RMC1: variants seen among roughly 807,000 people sequenced by gnomAD.
RMC1 encodes the protein regulator of MON1-CCZ1 complex.
A neutral mutation model predicts 95.5 loss-of-function variants in RMC1; 44 were observed. The observed-to-expected ratio is 0.46, with a 90% CI of 0.36 to 0.59. RMC1 has a LOEUF of 0.59. Ranked by LOEUF, RMC1 falls within the 20% of genes least tolerant of loss-of-function variation. The pLI, the probability that RMC1 is intolerant of heterozygous loss-of-function variation, is 0.00. For synonymous variants in RMC1, 320 were observed against 303.6 expected (o/e 1.05, Z -0.56); for missense variants, 705 against 819.6 (o/e 0.86, Z 1.71).
At chr18:23,526,452 C>T (rs748791260) in intron 12 of RMC1, among the ~76,000 whole-genome samples, 185 bp from the exon 13 acceptor site, 3 of 152,136 alleles carry the variant, frequency 2.0e-5, no homozygotes, top group African/African-American at 2.4e-5. Flanking sequence ...GTGGTAGACA[C>T]GCTCCTGAAT....
intron 17 of RMC1, 36 bp from the exon 18 acceptor site, chr18:23,530,189 TTATC>T (rs781545210): frequency 1.1e-4 from 176 of 1,613,866 alleles, no homozygotes; most frequent in Non-Finnish European, 1.4e-4. Flanking sequence ...ATTTTAACCG[TTATC>T]TTTCCAACTG....
chr18:23,523,124 G>A (rs544599112), intron 10 of RMC1, among the ~76,000 whole-genome samples: 8 of 152,326 alleles, frequency 5.3e-5, no homozygotes, highest in Non-Finnish European at 1.0e-4. Flanking sequence ...GGTCCAAAGC[G>A]CGAGTGCTCT....
chr18:23,530,107 A>G lies in RMC1; in HGVS notation c.1574A>G (p.His525Arg). 6.2e-7 allele frequency: 1 copy of G among 1,614,152 alleles called. No individual in the cohort carries two copies. Among genetic ancestry groups the G allele is most frequent in the South Asian group, 1.1e-5 (1 of 91,076 alleles). Residue 525 changes from histidine to arginine, a missense_variant, in exon 17 of 20, where the codon CAC becomes CGC. His to Arg is a conservative substitution (Grantham distance 29). Transcript: ENST00000269221. ...FYMLHQFLQY[H>R]VLSDSKPLAC... Reference sequence around the variant, plus strand: ...ATGCTGCATCAGTTCCTGCAGTACCACGTCCTCAGCGACTCCAAACCTTTG... The same window carrying G: ...ATGCTGCATCAGTTCCTGCAGTACCGCGTCCTCAGCGACTCCAAACCTTTG...
intron 19 of RMC1, among the ~76,000 whole-genome samples, chr18:23,531,227 G>C (rs973386461): frequency 1.3e-5 from 2 of 152,076 alleles, no homozygotes; most frequent in Non-Finnish European, 1.5e-5. Context: ...CTGACCTCAT[G>C]ATCCGCCTGC....
At chr18:23,523,707 G>A (rs1030050149) in intron 10 of RMC1, among the ~76,000 whole-genome samples, 1 of 152,084 alleles carries the variant, frequency 6.6e-6, no homozygotes, top group Non-Finnish European at 1.5e-5. Flanking sequence ...GGACAGCAGA[G>A]CAACACCCTC....
chr18:23,531,080 C>T (rs548178739), intron 19 of RMC1, among the ~76,000 whole-genome samples: 5 of 151,160 alleles, frequency 3.3e-5, no homozygotes, highest in South Asian at 2.1e-4. Flanking sequence ...CTGCAACCTC[C>T]GCTGGGTTCA....
intron 5 of RMC1, among the ~76,000 whole-genome samples, chr18:23,514,407 A>T (rs1424226325): frequency 6.6e-6 from 1 of 152,160 alleles, no homozygotes; most frequent in Non-Finnish European, 1.5e-5. Context: ...AAATACAAAA[A>T]TTAGCTGGGT....
intron 10 of RMC1, among the ~76,000 whole-genome samples, chr18:23,522,137 G>C (rs1035926725): frequency 6.6e-6 from 1 of 152,212 alleles, no homozygotes; most frequent in African/African-American, 2.4e-5. Context: ...TGTCTTGCTG[G>C]ACCAGCCAAA....
At position 23,530,432 on chromosome 18, in the gene RMC1, A is replaced by C. The variant is rs1312600290; in HGVS notation, c.1714A>C (p.Lys572Gln). ...NDEIVEVLLS[K>Q]HQVLAALRFI... The stretch of plus-strand genomic sequence containing the variant: ...TGAAATAGTAGAAGTTCTCCTTTCC[A>C]AACACCAAGTGTTAGCTGCCTTAAG... Residue 572 changes from lysine (K) to glutamine (Q), a missense_variant, in exon 19 of 20, where the codon AAA (lysine) becomes CAA (glutamine). Physicochemically the swap from Lys to Gln is moderately conservative, Grantham distance 53. Coordinates refer to ENST00000269221, the MANE Select transcript of RMC1 (RefSeq NM_013326.5). 7 of 1,614,240 alleles carry C rather than the reference A, an allele frequency of 4.3e-6. No homozygotes were observed. Among genetic ancestry groups the C allele is most frequent in the African/African-American group, 1.3e-5 (1 of 75,062 alleles).
chr18:23,515,752 C>G lies in RMC1; in HGVS notation c.409-104C>G, dbSNP rs1598866986. On this transcript the variant is annotated intron_variant, in intron 5 of 19. Coordinates refer to ENST00000269221, the MANE Select transcript of RMC1 (RefSeq NM_013326.5). ...TTTACCATTTTGTCCAGGCTGGTCT[C>G]GAACTCCTGACCTCAGGTGATCCGC... The G allele has an allele frequency of 6.6e-6, 9 of 1,372,518 alleles. No individual in the cohort carries two copies. The South Asian group carries it at 8.6e-5, about 13-fold the overall frequency. 85.0% of individuals were successfully genotyped at this position (1,372,518 alleles called of 1,614,324 possible).
chr18:23,521,056 T>C (rs930320572), intron 10 of RMC1, among the ~76,000 whole-genome samples: 2 of 152,144 alleles, frequency 1.3e-5, no homozygotes, highest in East Asian at 3.9e-4. Flanking sequence ...GGTTTCACCA[T>C]GTTGGCCAGA....
chr18:23,504,306 G>A (rs2057661656), intron 1 of RMC1, 65 bp from the exon 2 acceptor site: 3 of 1,378,886 alleles, frequency 2.2e-6, no homozygotes, highest in Non-Finnish European at 3.1e-6. Context: ...TCGCTTGCGG[G>A]TTGGCTTCTG....
chr18:23,516,306 T>G lies in RMC1; in HGVS notation c.550-14T>G. Reference sequence around the variant, plus strand: ...TTTAATAAGCTTTTCCTAAAACATTTTCCCCCTAAACAGGCTGGCACTATG... The same window carrying G: ...TTTAATAAGCTTTTCCTAAAACATTGTCCCCCTAAACAGGCTGGCACTATG... On this transcript the variant is annotated splice_polypyrimidine_tract_variant and intron_variant, in intron 6 of 19. Transcript: ENST00000269221. 6.2e-7 allele frequency: 1 copy of G among 1,613,448 alleles called. No individual in the cohort carries two copies. The highest frequency in any genetic ancestry group is 8.5e-7 in the Non-Finnish European group (1 of 1,179,330).
At position 23,530,622 on chromosome 18, in the gene RMC1, C is replaced by T. The variant is rs1567937841; in HGVS notation, c.1894+10C>T. 41 of 1,609,958 alleles carry T rather than the reference C, an allele frequency of 2.5e-5. No individual in the cohort carries two copies. Among genetic ancestry groups the T allele is most frequent in the Non-Finnish European group, 2.9e-5 (34 of 1,177,268 alleles). Reference sequence around the variant, plus strand: ...CCCAATTTCACACCAGGTGAGAATGCAATGAAAAGACTTGGGGTAACCATA... The same window carrying T: ...CCCAATTTCACACCAGGTGAGAATGTAATGAAAAGACTTGGGGTAACCATA... On this transcript the variant is annotated intron_variant, in intron 19 of 19. Transcript: ENST00000269221.
At chr18:23,524,082 C>T in intron 10 of RMC1, 48 bp from the exon 11 acceptor site, 2 of 1,596,048 alleles carry the variant, frequency 1.3e-6, no homozygotes, top group Middle Eastern at 1.7e-4. Flanking sequence ...CCAGCATTTG[C>T]AGCATTTTCT....
intron 13 of RMC1, among the ~76,000 whole-genome samples, chr18:23,527,556 T>C (rs953701760): frequency 1.3e-5 from 2 of 150,332 alleles, no homozygotes; most frequent in African/African-American, 2.5e-5. Context: ...GCTGGGATTA[T>C]AGGCATGTGC....
chr18:23,526,283 C>G (rs886433470), intron 12 of RMC1, among the ~76,000 whole-genome samples: 1 of 152,194 alleles, frequency 6.6e-6, no homozygotes, highest in African/African-American at 2.4e-5. Context: ...CACGTGTTGA[C>G]ATCTTTTTCT....
At chr18:23,504,243 G>A in intron 1 of RMC1, 128 bp from the exon 2 acceptor site, 1 of 751,120 alleles carries the variant, frequency 1.3e-6, no homozygotes, top group Non-Finnish European at 2.4e-6. Flanking sequence ...TCTGTACCTT[G>A]ATATGTGCCG....
intron 2 of RMC1, 94 bp from the exon 3 acceptor site, chr18:23,506,876 C>A: frequency 2.3e-6 from 2 of 859,980 alleles, no homozygotes; most frequent in South Asian, 3.0e-5. Flanking sequence ...AATTTGCTGC[C>A]TCCTGAATAT....
Sources: gnomAD v4.1 joint callset for allele counts (sites outside exome capture counted in the v4.1 genomes callset) on GRCh38, gnomAD v4.1.1 for gene constraint, MANE v1.5 for transcripts, NCBI Gene and HGNC (gene_info 2026-07-23, HGNC 2026-07-21) for gene names.